PPARGC1A: variants seen among roughly 807,000 people sequenced by gnomAD.
PPARGC1A encodes the protein PPARG coactivator 1 alpha.
PPARGC1A carries 25 observed loss-of-function variants against 88.7 expected under a neutral mutation model. The observed-to-expected ratio is 0.28, with a 90% confidence interval of 0.21 to 0.39. PPARGC1A has a LOEUF of 0.39. Ranked by LOEUF, PPARGC1A falls within the 10% of genes least tolerant of loss-of-function variation. PPARGC1A has a pLI of 1.00. For synonymous variants in PPARGC1A, 363 were observed against 355.6 expected (o/e 1.02, Z -0.24); for missense variants, 880 against 968.7 (o/e 0.91, Z 1.22).
At chr4:24,177,476 G>A in the PPARGC1A span, among the ~76,000 whole-genome samples, 1 of 151,734 alleles carries the variant, frequency 6.6e-6, no homozygotes, top group East Asian at 1.9e-4. Context: ...TGGGGTGGGG[G>A]GAAGGGGGAG....
chr4:23,995,357 A>G, the PPARGC1A span, among the ~76,000 whole-genome samples: 1 of 152,178 alleles, frequency 6.6e-6, no homozygotes, highest in South Asian at 2.1e-4. Flanking sequence ...CCTTGCAAGT[A>G]TAATATTTCA....
At chr4:24,332,243 G>A in the PPARGC1A span, among the ~76,000 whole-genome samples, 1 of 152,042 alleles carries the variant, frequency 6.6e-6, no homozygotes. Context: ...CTCTCAAAGT[G>A]CTGGGATTAC....
intron 3 of PPARGC1A, among the ~76,000 whole-genome samples, chr4:23,830,884 A>G (rs867554727): frequency 3.9e-5 from 6 of 152,184 alleles, no homozygotes; most frequent in Admixed American, 2.6e-4. Flanking sequence ...AATTTAAGTA[A>G]CTTGGGTGGC....
At chr4:24,005,928 A>G in the PPARGC1A span, among the ~76,000 whole-genome samples, 1 of 152,178 alleles carries the variant, frequency 6.6e-6, no homozygotes, top group Non-Finnish European at 1.5e-5. Context: ...ACTGAGCCTC[A>G]TGGGGTGACA....
Position 23,889,029 on chromosome 4 carries a change from G to A in PPARGC1A, c.54+875C>T, listed in dbSNP as rs902563792. The A allele has an allele frequency of 3.0e-6, 3 of 985,204 alleles. No homozygotes were observed. The African/African-American group carries it at 5.2e-5, about 17-fold the overall frequency. 61.0% of individuals were successfully genotyped at this position (985,204 alleles called of 1,614,324 possible). A position where few individuals can be genotyped will look rare whatever the true frequency, so the allele number is the denominator to read the frequency against. On this transcript the variant is annotated intron_variant, in intron 1 of 12. Coordinates refer to ENST00000264867, the MANE Select transcript of PPARGC1A (RefSeq NM_013261.5). The stretch of plus-strand genomic sequence containing the variant: ...ATTGTGCTGAATGCAAACACGCCGA[G>A]GTCCTCCGTCCCCCCACTAGACTCC...
the PPARGC1A span, among the ~76,000 whole-genome samples, chr4:23,982,885 G>T: frequency 6.6e-6 from 1 of 152,036 alleles, no homozygotes; most frequent in African/African-American, 2.4e-5. Flanking sequence ...CTTTAACGAA[G>T]TTTGGCAAAC....
the PPARGC1A span, among the ~76,000 whole-genome samples, chr4:24,265,919 AAG>A: frequency 2.6e-5 from 4 of 151,372 alleles, no homozygotes; most frequent in East Asian, 7.8e-4. Context: ...AAGGACTAAA[AAG>A]AGGGGGAGCA....
At chr4:24,259,378 C>T in the PPARGC1A span, among the ~76,000 whole-genome samples, 3 of 152,102 alleles carry the variant, frequency 2.0e-5, no homozygotes, top group Admixed American at 1.3e-4. Context: ...ATTTCTATGG[C>T]TTACTCCTTC....
the PPARGC1A span, among the ~76,000 whole-genome samples, chr4:24,251,130 C>T: frequency 1.3e-5 from 2 of 152,300 alleles, no homozygotes; most frequent in African/African-American, 2.4e-5. Context: ...GTTATAGCTT[C>T]CTAGTACACA....
rs910896005 is a variant in PPARGC1A, at chr4:23,796,017, A to T, written c.2294-92T>A. On this transcript the variant is annotated intron_variant, in intron 12 of 12. Transcript: ENST00000264867. Reference sequence around the variant, plus strand: ...TTCAAGATTACTGGATTCGATAACAACTCTTCCAATCAATATACTTTAGAA... The same window carrying T: ...TTCAAGATTACTGGATTCGATAACATCTCTTCCAATCAATATACTTTAGAA... The T allele has an allele frequency of 6.8e-5, 58 of 856,248 alleles. 1 individual carries two copies. The highest frequency in any genetic ancestry group is 4.4e-4 in the South Asian group (31 of 70,378). The allele number at this position is 856,248 out of a possible 1,614,324, so 53.0% of individuals were successfully genotyped here. A position where few individuals can be genotyped will look rare whatever the true frequency, so the allele number is the denominator to read the frequency against.
chr4:23,940,245 G>A, the PPARGC1A span, among the ~76,000 whole-genome samples: 1 of 152,118 alleles, frequency 6.6e-6, no homozygotes, highest in Admixed American at 6.5e-5. Flanking sequence ...CTGGTCTTGA[G>A]AAACTCAAGA....
the PPARGC1A span, among the ~76,000 whole-genome samples, chr4:24,219,831 G>A: frequency 5.3e-5 from 8 of 152,248 alleles, no homozygotes; most frequent in African/African-American, 9.6e-5. Flanking sequence ...CTGCCCATCC[G>A]TCCTGTTGAG....
chr4:23,829,391 T>C (rs1252139523), intron 4 of PPARGC1A, 72 bp downstream of exon 4: 3 of 1,521,782 alleles, frequency 2.0e-6, no homozygotes, highest in East Asian at 4.5e-5. Flanking sequence ...ACCTACAAAC[T>C]TATTTGTTTT....
the PPARGC1A span, among the ~76,000 whole-genome samples, chr4:24,077,624 GGTGTGTGTGTGTGTGTGTGTGTGT>G: frequency 7.9e-3 from 1,037 of 130,962 alleles, 12 homozygotes; most frequent in African/African-American, 0.027. Context: ...TGTGTCTAGG[GGTGTGTGTGTGTGTGTGTGTGTGT>G]GTGTGTGTGT....
At chr4:23,808,784 C>T (rs1200698878) in intron 10 of PPARGC1A, among the ~76,000 whole-genome samples, 1 of 152,086 alleles carries the variant, frequency 6.6e-6, no homozygotes, top group Non-Finnish European at 1.5e-5. Flanking sequence ...TTGGATTTGG[C>T]TCACTCAACT....
intron 2 of PPARGC1A, among the ~76,000 whole-genome samples, chr4:23,864,326 C>T (rs1046866395): frequency 2.0e-5 from 3 of 152,218 alleles, no homozygotes; most frequent in African/African-American, 7.2e-5. Flanking sequence ...CCTCCTTATA[C>T]AGCTGGGCAT....
the PPARGC1A span, among the ~76,000 whole-genome samples, chr4:24,143,247 A>G: frequency 2.0e-5 from 3 of 152,118 alleles, no homozygotes; most frequent in African/African-American, 7.2e-5. Context: ...GCTGTGCCCC[A>G]GGCACTGGGG....
At chr4:24,330,117 A>G in the PPARGC1A span, among the ~76,000 whole-genome samples, 3 of 152,178 alleles carry the variant, frequency 2.0e-5, no homozygotes, top group Non-Finnish European at 4.4e-5. Flanking sequence ...CCTCACTGCA[A>G]TCCATAAAAT....
chr4:24,334,085 C>G, the PPARGC1A span, among the ~76,000 whole-genome samples: 336 of 152,154 alleles, frequency 2.2e-3, 1 homozygote, highest in African/African-American at 7.6e-3. Context: ...ACACCCCACC[C>G]CAAAGTTTTA....
Sources: allele counts gnomAD v4.1 joint callset (sites outside exome capture counted in the v4.1 genomes callset), GRCh38; gene constraint gnomAD v4.1.1; transcripts MANE v1.5; gene names NCBI Gene and HGNC (gene_info 2026-07-23, HGNC 2026-07-21).